Variants in OR2T33 observed in about 807,000 individuals in gnomAD.
OR2T33 encodes the protein olfactory receptor 2T33.
OR2T33 carries 10 observed loss-of-function variants against 14.0 expected under a neutral mutation model. That is an observed-to-expected ratio of 0.72 (90% CI 0.44 to 1.22). OR2T33 has a LOEUF of 1.22. OR2T33 is among the 50% of genes most tolerant of loss of function. The pLI, the probability that OR2T33 is intolerant of heterozygous loss-of-function variation, is 0.00. For missense variants in OR2T33, 276 were observed against 405.9 expected (o/e 0.68, Z 2.75); for synonymous variants, 103 against 159.4 (o/e 0.65, Z 2.66).
intron 1 of OR2T33, among the ~76,000 whole-genome samples, chr1:248,277,047 CT>C (rs1659455160): frequency 6.6e-6 from 1 of 150,834 alleles, no homozygotes; most frequent in South Asian, 2.1e-4. Flanking sequence ...TAATTCTAAG[CT>C]ATTAAATAGG....
At chr1:248,275,422 G>A (rs1210007216) in intron 1 of OR2T33, among the ~76,000 whole-genome samples, 9 of 152,332 alleles carry the variant, frequency 5.9e-5, no homozygotes, top group African/African-American at 2.2e-4. Context: ...AGTGTATGCA[G>A]TCCCTTTATT....
rs147169080 is a variant in OR2T33 at position 248,273,897 on chromosome 1, G to A, written c.-8-75C>T. ...GTCTGAATAACTGTTTGACTGCACAGTTTCCGGACATACGTACTGGGTATG... is the reference window on the plus strand; with the variant it reads ...GTCTGAATAACTGTTTGACTGCACAATTTCCGGACATACGTACTGGGTATG... On this transcript the variant is annotated intron_variant, in intron 1 of 1. Transcript: ENST00000641220. 8,305 of 1,538,004 alleles carry A rather than the reference G, an allele frequency of 5.4e-3. 35 individuals carry two copies. Among genetic ancestry groups the A allele is most frequent in the Non-Finnish European group, 6.4e-3 (7,320 of 1,142,046 alleles).
At position 248,277,958 on chromosome 1, in the gene OR2T33, T is replaced by C. The variant is rs1659466844; in HGVS notation, c.-202A>G. 1 of 152,102 alleles carries C rather than the reference T, an allele frequency of 6.6e-6. No homozygotes were observed. The highest frequency in any genetic ancestry group is 1.5e-5 in the Non-Finnish European group (1 of 67,990). 9.4% of individuals were successfully genotyped at this position (152,102 alleles called of 1,614,324 possible). A position where few individuals can be genotyped will look rare whatever the true frequency, so the allele number is the denominator to read the frequency against. ...CAACCAAATATCTTCCCTGGAGCTATGCCACTTGGAAAGGTAAATCACCTT... is the reference window on the plus strand; with the variant it reads ...CAACCAAATATCTTCCCTGGAGCTACGCCACTTGGAAAGGTAAATCACCTT... On this transcript the variant is annotated 5_prime_UTR_variant, in exon 1 of 2. Transcript: ENST00000641220.
chr1:248,275,676 A>T (rs1659439235), intron 1 of OR2T33, among the ~76,000 whole-genome samples: 1 of 152,070 alleles, frequency 6.6e-6, no homozygotes, highest in Non-Finnish European at 1.5e-5. Flanking sequence ...TGGCACATGT[A>T]TCCCAGAACT....
At position 248,272,988 on chromosome 1, in the gene OR2T33, T is replaced by C. The variant is rs1457321620; in HGVS notation, c.827A>G (p.Tyr276Cys). ...TNHDKVVSAF[Y>C]TMFTPLLNPL... Reference sequence around the variant, plus strand: ...GTTTAGTAAAGGGGTGAACATAGTATAGAAGGCTGACACAACCTTGTCATG... The same window carrying C: ...GTTTAGTAAAGGGGTGAACATAGTACAGAAGGCTGACACAACCTTGTCATG... The change falls in exon 2 of 2, where the codon TAT (tyrosine) becomes TGT (cysteine). Residue 276 changes from tyrosine (Y) to cysteine (C), a missense_variant. Transcript: ENST00000641220. 1.9e-6 allele frequency: 3 copies of C among 1,613,980 alleles called. No homozygotes were observed. The highest frequency in any genetic ancestry group is 2.2e-5 in the East Asian group (1 of 44,890).
chr1:248,276,201 C>T (rs376406947), intron 1 of OR2T33, among the ~76,000 whole-genome samples: 1 of 152,114 alleles, frequency 6.6e-6, no homozygotes, highest in Non-Finnish European at 1.5e-5. Flanking sequence ...GGAGGCAGAG[C>T]TCAGTGGGTA....
rs373105601 is a variant in OR2T33, at chr1:248,273,501, A to C, written c.314T>G (p.Leu105Arg). The C allele has an allele frequency of 1.9e-6, 3 of 1,612,994 alleles. No individual in the cohort carries two copies. The highest frequency in any genetic ancestry group is 1.7e-5 in the Admixed American group (1 of 60,028). ...TAAGAGGAAGCACTCTCCACCACCCAGTGTGGGGAGGAAGAAGATCTGCAC... is the reference window on the plus strand; with the variant it reads ...TAAGAGGAAGCACTCTCCACCACCCCGTGTGGGGAGGAAGAAGATCTGCAC... The part of the protein sequence containing the change: ...CGVQIFFLPT[L>R]GGGECFLLAA... Residue 105 changes from leucine to arginine, a missense_variant, in exon 2 of 2, where the codon CTG becomes CGG. Transcript: ENST00000641220.
intron 1 of OR2T33, among the ~76,000 whole-genome samples, chr1:248,274,920 G>A (rs1240836007): frequency 6.6e-6 from 1 of 152,138 alleles, no homozygotes; most frequent in African/African-American, 2.4e-5. Flanking sequence ...TAACAAAAAT[G>A]TGTACAACTT....
chr1:248,273,348 A>C lies in OR2T33; in HGVS notation c.467T>G (p.Leu156Arg), dbSNP rs372903370. The change falls in exon 2 of 2, where the codon CTG becomes CGG. Residue 156 changes from leucine to arginine, a missense_variant. By Grantham distance (102) the Leu-to-Arg change is moderately radical. Coordinates refer to ENST00000641220, the MANE Select transcript of OR2T33 (RefSeq NM_001004695.2). ...CWLLGAADGL[L>R]QAVVTLSFPY... ...GAAGCTCAGGGTAACAACAGCCTGC[A>C]GGAGCCCGTCAGCTGCACCCAGGAG... The C allele has an allele frequency of 2.5e-6, 4 of 1,612,052 alleles. No homozygotes were observed. The highest frequency in any genetic ancestry group is 3.4e-6 in the Non-Finnish European group (4 of 1,179,878).
chr1:248,272,669 A>C lies in OR2T33; in HGVS notation c.*183T>G, dbSNP rs1659386904. ...TAATCCATAGATACTACTTCACTTG[A>C]AGAAAAGTACATAAATGCTAAAAAT... On this transcript the variant is annotated 3_prime_UTR_variant, in exon 2 of 2. Transcript: ENST00000641220. The C allele has an allele frequency of 1.3e-6, 1 of 781,952 alleles. No individual in the cohort carries two copies. The highest frequency in any genetic ancestry group is 1.7e-5 in the African/African-American group (1 of 57,314). 48.4% of individuals were successfully genotyped at this position (781,952 alleles called of 1,614,324 possible). A position where few individuals can be genotyped will look rare whatever the true frequency, so the allele number is the denominator to read the frequency against.
Position 248,270,136 on chromosome 1 carries a change from G to C in OR2T33, c.*2716C>G, listed in dbSNP as rs2103030621. 6.6e-6 allele frequency: 1 copy of C among 152,208 alleles called. No homozygotes were observed. Among genetic ancestry groups the C allele is most frequent in the East Asian group, 1.9e-4 (1 of 5,170 alleles). 9.4% of individuals were successfully genotyped at this position (152,208 alleles called of 1,614,324 possible). A position where few individuals can be genotyped will look rare whatever the true frequency, so the allele number is the denominator to read the frequency against. ...CCTTTGTAGGGACACGGATGAAGCT[G>C]GAAACCATCATTCTCAGCAAACTAT... On this transcript the variant is annotated 3_prime_UTR_variant, in exon 2 of 2. Coordinates refer to ENST00000641220, the MANE Select transcript of OR2T33 (RefSeq NM_001004695.2).
In OR2T33 at chr1:248,273,021, G is replaced by A; in HGVS notation, c.794C>T (p.Ser265Phe). Residue 265 changes from serine to phenylalanine, a missense_variant, in exon 2 of 2, where the codon TCC becomes TTC. Ser to Phe is a radical substitution (Grantham distance 155). Coordinates refer to ENST00000641220, the MANE Select transcript of OR2T33 (RefSeq NM_001004695.2). ...FTYMRPKSHR[S>F]TNHDKVVSAF... Reference sequence around the variant, plus strand: ...TGACACAACCTTGTCATGGTTAGTGGACCTATGGGATTTGGGTCTCATATA... The same window carrying A: ...TGACACAACCTTGTCATGGTTAGTGAACCTATGGGATTTGGGTCTCATATA... 1.2e-6 allele frequency: 2 copies of A among 1,613,946 alleles called. No homozygotes were observed. The highest frequency in any genetic ancestry group is 1.7e-6 in the Non-Finnish European group (2 of 1,179,970).
rs1659385908 is a variant in OR2T33 at position 248,272,600 on chromosome 1, T to C, written c.*252A>G. On this transcript the variant is annotated 3_prime_UTR_variant, in exon 2 of 2. Coordinates refer to ENST00000641220, the MANE Select transcript of OR2T33 (RefSeq NM_001004695.2). ...TTCTTTTTTTAGAAAGTAGGAGATA[T>C]TGTCAACAGTACTTATATCATGGGG... The C allele has an allele frequency of 9.4e-6, 4 of 425,690 alleles. No homozygotes were observed. Among genetic ancestry groups the C allele is most frequent in the Non-Finnish European group, 1.2e-5 (3 of 244,900 alleles). The allele number at this position is 425,690 out of a possible 1,614,324, so 26.4% of individuals were successfully genotyped here. A position where few individuals can be genotyped will look rare whatever the true frequency, so the allele number is the denominator to read the frequency against.
At chr1:248,274,837 T>G (rs1418205208) in intron 1 of OR2T33, among the ~76,000 whole-genome samples, 1 of 152,194 alleles carries the variant, frequency 6.6e-6, no homozygotes, top group East Asian at 1.9e-4. Flanking sequence ...ATTTGGCCTG[T>G]CTGTTTCAGA....
Position 248,273,360 on chromosome 1 carries a change from G to C in OR2T33, c.455C>G (p.Ala152Gly). The C allele has an allele frequency of 2.5e-6, 4 of 1,612,116 alleles. No individual in the cohort carries two copies. Among genetic ancestry groups the C allele is most frequent in the Non-Finnish European group, 3.4e-6 (4 of 1,179,896 alleles). Residue 152 changes from alanine to glycine, a missense_variant, in exon 2 of 2, where the codon GCT (alanine) becomes GGT (glycine). By Grantham distance (60) the Ala-to-Gly change is moderately conservative. Coordinates refer to ENST00000641220, the MANE Select transcript of OR2T33 (RefSeq NM_001004695.2). The stretch of plus-strand genomic sequence containing the variant: ...AACAACAGCCTGCAGGAGCCCGTCA[G>C]CTGCACCCAGGAGCCAACACGACAT... ...MTMSCWLLGA[A>G]DGLLQAVVTL... is the part of the protein sequence containing the mutation.
chr1:248,277,021 A>G lies in OR2T33; in HGVS notation c.-9+744T>C, dbSNP rs1438213927. Among the ~76,000 whole-genome samples, 5 of 151,520 alleles carry G rather than the reference A, an allele frequency of 3.3e-5. No individual in the cohort carries two copies. The East Asian group carries it at 7.7e-4, about 23-fold the overall frequency. ...TTATAAATATTTCTTCTTCAAGTCA[A>G]TTCATGGGCTGTTATTAATTCTAAG... On this transcript the variant is annotated intron_variant, in intron 1 of 1. Transcript: ENST00000641220.
chr1:248,273,526 C>T lies in OR2T33; in HGVS notation c.289G>A (p.Val97Met), dbSNP rs780788245. 8 of 1,612,814 alleles carry T rather than the reference C, an allele frequency of 5.0e-6. No individual in the cohort carries two copies. The highest frequency in any genetic ancestry group is 1.9e-4 in the Middle Eastern group (1 of 5,226). Residue 97 changes from valine (V) to methionine (M), a missense_variant, in exon 2 of 2, where the codon GTG (valine) becomes ATG (methionine). Transcript: ENST00000641220. ...SKAISRAGCG[V>M]QIFFLPTLGG... ...AGTGTGGGGAGGAAGAAGATCTGCA[C>T]ACCACAGCCAGCGCGGGAGATGGCC...
At position 248,273,485 on chromosome 1, in the gene OR2T33, G is replaced by A. The variant is rs1226972492; in HGVS notation, c.330C>T (p.Cys110=). The change falls in exon 2 of 2, where the codon TGC becomes TGT. Residue 110 remains cysteine, a synonymous_variant. Coordinates refer to ENST00000641220, the MANE Select transcript of OR2T33 (RefSeq NM_001004695.2). ...CATAGGCCATGGCTGCTAAGAGGAA[G>A]CACTCTCCACCACCCAGTGTGGGGA... ...FFLPTLGGGE[C]FLLAAMAYDR... is the part of the protein sequence containing the mutation. 3.1e-6 allele frequency: 5 copies of A among 1,612,856 alleles called. No individual in the cohort carries two copies. The highest frequency in any genetic ancestry group is 4.2e-6 in the Non-Finnish European group (5 of 1,179,914).
chr1:248,276,390 A>G (rs576450853), intron 1 of OR2T33, among the ~76,000 whole-genome samples: 61 of 152,216 alleles, frequency 4.0e-4, no homozygotes, highest in African/African-American at 1.4e-3. Context: ...TTAATTTTTA[A>G]TTTAATTTAT....
Sources: gnomAD v4.1 joint callset for allele counts (sites outside exome capture counted in the v4.1 genomes callset) on GRCh38, gnomAD v4.1.1 for gene constraint, MANE v1.5 for transcripts, NCBI Gene and HGNC (gene_info 2026-07-23, HGNC 2026-07-21) for gene names.